Variants in LARGE1 observed in about 807,000 individuals in gnomAD.
The protein encoded by LARGE1 is LARGE xylosyl- and glucuronyltransferase 1.
A neutral mutation model predicts 87.6 loss-of-function variants in LARGE1; 43 were observed. That is an observed-to-expected ratio of 0.49 (90% CI 0.38 to 0.63). The LOEUF (loss-of-function observed/expected upper bound fraction) is 0.63. Ranked by LOEUF, LARGE1 falls within the 30% of genes least tolerant of loss-of-function variation. LARGE1 has a pLI of 0.00. For synonymous variants in LARGE1, 434 were observed against 394.6 expected, an observed-to-expected ratio of 1.10 and a Z score of -1.18; for missense variants, 802 against 1,000.2, an observed-to-expected ratio of 0.80 and a Z score of 2.67.
At chr22:33,236,608 CTTTCTCAGCAGGATGTAAACA>C (rs1304719374) in intron 11 of LARGE1, among the ~76,000 whole-genome samples, 1 of 152,192 alleles carries the variant, frequency 6.6e-6, no homozygotes, top group Non-Finnish European at 1.5e-5. Flanking sequence ...ATTTCAAACA[CTTTCTCAGCAGGATGTAAACA>C]TTGAACTCAA....
At chr22:33,386,695 T>C (rs2147158094) in intron 7 of LARGE1, among the ~76,000 whole-genome samples, 1 of 137,862 alleles carries the variant, frequency 7.3e-6, no homozygotes, top group South Asian at 2.6e-4. Context: ...TTTACTCAGA[T>C]AAACAATGTT....
chr22:33,854,167 C>T (rs1438026793), intron 1 of LARGE1, among the ~76,000 whole-genome samples: 3 of 127,838 alleles, frequency 2.3e-5, no homozygotes, highest in African/African-American at 9.0e-5. Context: ...CTTGGCATAT[C>T]ACAAACTCAG....
chr22:33,155,790 A>AT, the LARGE1 span, among the ~76,000 whole-genome samples: 2 of 152,194 alleles, frequency 1.3e-5, no homozygotes, highest in Admixed American at 1.3e-4. Context: ...CTTTTGAGGC[A>AT]GACCCTCCCA....
intron 1 of LARGE1, among the ~76,000 whole-genome samples, chr22:33,915,154 T>C (rs2065751032): frequency 6.6e-6 from 1 of 152,142 alleles, no homozygotes; most frequent in Admixed American, 6.5e-5. Flanking sequence ...CTTTTACAAC[T>C]GTGATTTTCC....
chr22:33,397,662 G>A (rs2065795327), intron 7 of LARGE1, among the ~76,000 whole-genome samples: 1 of 152,154 alleles, frequency 6.6e-6, no homozygotes, highest in African/African-American at 2.4e-5. Context: ...TCTTTTGACG[G>A]CATGTGTATG....
At chr22:33,779,656 G>A (rs1037791450) in intron 1 of LARGE1, among the ~76,000 whole-genome samples, 72 of 151,940 alleles carry the variant, frequency 4.7e-4, no homozygotes, top group African/African-American at 1.7e-3. Context: ...GTGTGGTGGC[G>A]TGTGCTGTAA....
At chr22:33,807,800 T>C (rs991232323) in intron 1 of LARGE1, among the ~76,000 whole-genome samples, 8 of 152,212 alleles carry the variant, frequency 5.3e-5, no homozygotes, top group African/African-American at 1.7e-4. Flanking sequence ...CATATGTATT[T>C]AAATTTCTTC....
chr22:33,339,588 C>T (rs979678693), intron 9 of LARGE1, among the ~76,000 whole-genome samples: 51 of 151,844 alleles, frequency 3.4e-4, no homozygotes, highest in South Asian at 2.1e-4. Context: ...GTTAAGAGTC[C>T]GCTGTAACTT....
At chr22:33,904,798 CAT>C (rs1254100365) in intron 1 of LARGE1, among the ~76,000 whole-genome samples, 12 of 152,172 alleles carry the variant, frequency 7.9e-5, no homozygotes, top group African/African-American at 2.7e-4. Context: ...TACACGATCA[CAT>C]GACTAGCTAC....
intron 6 of LARGE1, among the ~76,000 whole-genome samples, chr22:33,497,525 G>GCT (rs1287321382): frequency 2.0e-5 from 3 of 152,184 alleles, no homozygotes; most frequent in Non-Finnish European, 1.5e-5. Context: ...TCTGCACAGT[G>GCT]TCTAAAAAGA....
At chr22:33,119,915 T>A in the LARGE1 span, among the ~76,000 whole-genome samples, 1 of 152,182 alleles carries the variant, frequency 6.6e-6, no homozygotes, top group Non-Finnish European at 1.5e-5. Flanking sequence ...CTCCTTTTGA[T>A]GTCCCTTGCA....
chr22:33,493,050 A>G (rs1399275794), intron 6 of LARGE1, among the ~76,000 whole-genome samples: 2 of 151,852 alleles, frequency 1.3e-5, no homozygotes, highest in Non-Finnish European at 2.9e-5. Flanking sequence ...TGTGTAAGTG[A>G]GAAGAGTAGC....
intron 5 of LARGE1, among the ~76,000 whole-genome samples, chr22:33,591,038 T>C (rs1399720122): frequency 6.6e-6 from 1 of 152,152 alleles, no homozygotes; most frequent in African/African-American, 2.4e-5. Flanking sequence ...CCGTCTCTAC[T>C]AAAAATACAG....
At chr22:33,915,536 G>A (rs1228320893) in intron 1 of LARGE1, among the ~76,000 whole-genome samples, 2 of 152,120 alleles carry the variant, frequency 1.3e-5, no homozygotes. Context: ...ACACAAGAGG[G>A]CAGACTTAGG....
intron 10 of LARGE1, among the ~76,000 whole-genome samples, chr22:33,331,768 C>G (rs564497485): frequency 6.6e-6 from 1 of 152,236 alleles, no homozygotes; most frequent in South Asian, 2.1e-4. Flanking sequence ...CCCAGCAGGT[C>G]CTCGAGTGAT....
intron 1 of LARGE1, among the ~76,000 whole-genome samples, chr22:33,833,993 A>G (rs889827896): frequency 1.3e-5 from 2 of 152,108 alleles, no homozygotes; most frequent in African/African-American, 2.4e-5. Context: ...CAGCTCAATT[A>G]TTGTCATTTT....
At chr22:33,690,395 G>A (rs949570682) in intron 2 of LARGE1, among the ~76,000 whole-genome samples, 2 of 152,084 alleles carry the variant, frequency 1.3e-5, no homozygotes, top group South Asian at 2.1e-4. Context: ...CTATGTGAAC[G>A]TAACGGCTAT....
intron 1 of LARGE1, among the ~76,000 whole-genome samples, chr22:33,799,544 G>T (rs893171712): frequency 6.6e-6 from 1 of 152,074 alleles, no homozygotes; most frequent in East Asian, 1.9e-4. Context: ...GGGTTCAAGC[G>T]ATTCTCCTGC....
At chr22:33,451,028 T>C (rs2147915623) in intron 6 of LARGE1, among the ~76,000 whole-genome samples, 1 of 152,324 alleles carries the variant, frequency 6.6e-6, no homozygotes, top group East Asian at 1.9e-4. Flanking sequence ...CGCAGCCCAC[T>C]GATCTCCCTC....
Sources: allele counts gnomAD v4.1 joint callset (sites outside exome capture counted in the v4.1 genomes callset), GRCh38; gene constraint gnomAD v4.1.1; transcripts MANE v1.5; gene names NCBI Gene and HGNC (gene_info 2026-07-23, HGNC 2026-07-21).